The following TRIM66 variants were observed in gnomAD, a reference collection of about 807,000 sequenced individuals.
TRIM66 encodes the protein tripartite motif containing 66, also known as tripartite motif-containing protein 66.
Under a neutral mutation model 148.2 loss-of-function variants are expected in TRIM66, and 99 were observed. The observed-to-expected ratio is 0.67, with a 90% CI of 0.57 to 0.79. TRIM66 has a LOEUF of 0.79. Among genes scored for constraint, TRIM66 ranks in the 30% least tolerant of loss-of-function variants. The pLI, the probability that TRIM66 is intolerant of heterozygous loss-of-function variation, is 0.00. For synonymous variants in TRIM66, 616 were observed against 635.9 expected (o/e 0.97, Z 0.47); for missense variants, 1,666 against 1,697.9 (o/e 0.98, Z 0.33).
chr11:8,636,282 T>C (rs1481851711), intron 15 of TRIM66, among the ~76,000 whole-genome samples: 1 of 148,450 alleles, frequency 6.7e-6, no homozygotes, highest in Non-Finnish European at 1.5e-5. Context: ...CCAAACTGCC[T>C]TTGAAAAATC....
chr11:8,683,073 C>A, upstream of TRIM66: 1 of 1,031,984 alleles, frequency 9.7e-7, no homozygotes, highest in Non-Finnish European at 1.5e-6. Context: ...CGGATCGGTA[C>A]CCTCAGCTTT....
intron 6 of TRIM66, among the ~76,000 whole-genome samples, chr11:8,664,189 T>A (rs1483262700): frequency 6.6e-6 from 1 of 152,228 alleles, no homozygotes; most frequent in East Asian, 1.9e-4. Flanking sequence ...CTGGCTAGAT[T>A]TAGTCATTCT....
At chr11:8,670,024 T>A (rs1186488226) in intron 6 of TRIM66, among the ~76,000 whole-genome samples, 86 of 150,800 alleles carry the variant, frequency 5.7e-4, no homozygotes, top group African/African-American at 2.1e-3. Context: ...TTTATTTTTT[T>A]TTTTTTGAGA....
chr11:8,622,906 A>T, intron 17 of TRIM66, 30 bp from the exon 18 acceptor site: 1 of 1,547,582 alleles, frequency 6.5e-7, no homozygotes. Context: ...AATACCTGTG[A>T]CACACATTTG....
chr11:8,670,075 C>T (rs1370958093), intron 6 of TRIM66, among the ~76,000 whole-genome samples: 9 of 148,740 alleles, frequency 6.1e-5, no homozygotes, highest in Middle Eastern at 3.5e-3. Flanking sequence ...TGCAGTGGTG[C>T]GATCTTGGCT....
At chr11:8,638,935 G>T in intron 14 of TRIM66, 120 bp from the exon 15 acceptor site, 1 of 1,087,502 alleles carries the variant, frequency 9.2e-7, no homozygotes, top group Non-Finnish European at 1.3e-6. Flanking sequence ...GCACATTGTG[G>T]ACTGCTTAAA....
chr11:8,621,788 C>T lies in TRIM66; in HGVS notation c.3112G>A (p.Val1038Met), dbSNP rs1231697236. Residue 1038 changes from valine (V) to methionine (M), a missense_variant, in exon 19 of 25, where the codon GTG (valine) becomes ATG (methionine). Around this residue, in one of 3 missense-constraint regions of TRIM66, gnomAD observed 1,431 missense variants for 1,412.4 expected, o/e 1.01. Coordinates refer to ENST00000646038, the MANE Select transcript of TRIM66 (RefSeq NM_001388022.1). ...CAGATCTTGAGTCGCTCCAGTCGCA[C>T]ATAGGGAATCTTATGCTCACTATTG... ...AFNSEHKIPY[V>M]RLERLKICAA... 2 of 1,550,130 alleles carry T rather than the reference C, an allele frequency of 1.3e-6. No homozygotes were observed. Among genetic ancestry groups the T allele is most frequent in the Non-Finnish European group, 1.7e-6 (2 of 1,146,444 alleles).
intron 1 of TRIM66, among the ~76,000 whole-genome samples, chr11:8,680,457 A>AG (rs35905151): frequency 0.65 from 98,566 of 152,020 alleles, 32,136 homozygotes; most frequent in Middle Eastern, 0.73. Flanking sequence ...GAATGAAGGC[A>AG]GGGCACTAAG....
At chr11:8,680,483 G>T (rs1027144974) in intron 1 of TRIM66, among the ~76,000 whole-genome samples, 2 of 152,142 alleles carry the variant, frequency 1.3e-5, no homozygotes, top group African/African-American at 4.8e-5. Flanking sequence ...AACAGAGGAA[G>T]CACATTGGGG....
Position 8,649,858 on chromosome 11 carries a change from T to C in TRIM66, c.474A>G (p.Ala158=). 2 of 1,551,634 alleles carry C rather than the reference T, an allele frequency of 1.3e-6. No individual in the cohort carries two copies. Among genetic ancestry groups the C allele is most frequent in the South Asian group, 1.2e-5 (1 of 84,064 alleles). Residue 158 remains alanine, a synonymous_variant, in exon 8 of 25, where the codon GCA becomes GCG. Coordinates refer to ENST00000646038, the MANE Select transcript of TRIM66 (RefSeq NM_001388022.1). ...RNCSECKEKR[A]AHILCTYCNR... ...TGCAGTAGGTGCAGAGGATATGTGCTGCCCTCTTCTCCTTGCACTCAGAGC... is the reference window on the plus strand; with the variant it reads ...TGCAGTAGGTGCAGAGGATATGTGCCGCCCTCTTCTCCTTGCACTCAGAGC...
chr11:8,672,007 A>T lies in TRIM66; in HGVS notation c.119T>A (p.Met40Lys). 2.6e-6 allele frequency: 4 copies of T among 1,536,024 alleles called. No homozygotes were observed. The highest frequency in any genetic ancestry group is 3.5e-6 in the Non-Finnish European group (4 of 1,146,908). ...PVLGTGMAVD[M>K]GMSFMGLPLA... ...TGGCAGCCCCATAAAGCTCATGCCC[A>T]TGTCCACAGCCATGCCTGTGCCCAG... The change falls in exon 6 of 25, where the codon ATG (methionine) becomes AAG (lysine). Residue 40 changes from methionine (M) to lysine (K), a missense_variant. This residue lies in a region of TRIM66 where 1,431 missense variants were observed against 1,412.4 expected (regional missense o/e 1.01). Transcript: ENST00000646038.
At chr11:8,629,159 G>A (rs565566513) in intron 15 of TRIM66, among the ~76,000 whole-genome samples, 6 of 152,152 alleles carry the variant, frequency 3.9e-5, no homozygotes, top group Non-Finnish European at 8.8e-5. Context: ...AACATGCCCA[G>A]GCCTGCATTC....
intron 15 of TRIM66, among the ~76,000 whole-genome samples, chr11:8,630,513 A>T (rs1373545753): frequency 1.3e-5 from 2 of 152,246 alleles, no homozygotes; most frequent in Non-Finnish European, 1.5e-5. Context: ...TACTGAAAAT[A>T]AACTATTTTC....
chr11:8,654,697 C>T (rs1565547724), intron 6 of TRIM66: 1 of 152,184 alleles, frequency 6.6e-6, no homozygotes, highest in East Asian at 1.9e-4. Context: ...GAAACGGCAA[C>T]TTTAAGTATG....
chr11:8,647,839 A>T, intron 10 of TRIM66, 131 bp downstream of exon 10: 1 of 733,682 alleles, frequency 1.4e-6, no homozygotes, highest in Non-Finnish European at 2.3e-6. Flanking sequence ...TATGCCTTCT[A>T]GGACATATGC....
chr11:8,630,191 A>G (rs1024503855), intron 15 of TRIM66, among the ~76,000 whole-genome samples: 7 of 152,122 alleles, frequency 4.6e-5, no homozygotes, highest in African/African-American at 1.7e-4. Context: ...CTGGGAGGAG[A>G]GGAAGCACTT....
chr11:8,649,982 C>A, intron 7 of TRIM66, 95 bp from the exon 8 acceptor site: 1 of 1,403,142 alleles, frequency 7.1e-7, no homozygotes. Flanking sequence ...TCCTGCAGGC[C>A]TATTCCTCCA....
rs776819291 is a variant in TRIM66, at chr11:8,618,737, A to G, written c.4119+13T>C. 1.9e-6 allele frequency: 3 copies of G among 1,548,088 alleles called. 1 individual carries two copies. In the South Asian group the frequency reaches 3.6e-5, roughly 18 times the overall value. ...CACCGCCCACCTGCTGCTGGCTGGC[A>G]GTAACTCTTTACCATATGTCGTCGC... On this transcript the variant is annotated intron_variant, in intron 24 of 24. Transcript: ENST00000646038.
chr11:8,640,493 G>A lies in TRIM66; in HGVS notation c.1882C>T (p.Pro628Ser), dbSNP rs1394920890. 1.3e-6 allele frequency: 2 copies of A among 1,537,526 alleles called. No individual in the cohort carries two copies. The highest frequency in any genetic ancestry group is 5.0e-5 in the East Asian group (2 of 39,722). The change falls in exon 14 of 25, where the codon CCT becomes TCT. Residue 628 changes from proline to serine, a missense_variant. Pro to Ser is a moderately conservative substitution (Grantham distance 74). Transcript: ENST00000646038. ...PPPQQPHPPLPPSQHLASSQH... is the reference protein window; with the variant it reads ...PPPQQPHPPLSPSQHLASSQH... ...CTAGAAGCCAGATGCTGGGATGGAG[G>A]AAGAGGTGGGTGTGGCTGCTGTGGG...
Sources: gnomAD v4.1 joint callset for allele counts (sites outside exome capture counted in the v4.1 genomes callset) on GRCh38, gnomAD v4.1.1 for gene constraint, gnomAD v4.1.1 regional missense constraint, MANE v1.5 for transcripts, NCBI Gene and HGNC (gene_info 2026-07-23, HGNC 2026-07-21) for gene names.